MYRIP: variants seen among roughly 807,000 people sequenced by gnomAD.
The protein encoded by MYRIP is rab effector MyRIP.
In MYRIP, 49 loss-of-function variants were observed where a neutral mutation model predicts 98.0. That is an observed-to-expected ratio of 0.50 (90% CI 0.40 to 0.63). MYRIP has a LOEUF of 0.63. Among genes scored for constraint, MYRIP ranks in the 30% least tolerant of loss-of-function variants. The probability of loss-of-function intolerance (pLI) is 0.00; values close to 1 mark genes in which losing one functional copy is unlikely to be tolerated. For missense variants in MYRIP, 1,004 were observed against 1,058.2 expected, an observed-to-expected ratio of 0.95 and a Z score of 0.71; for synonymous variants, 404 against 409.5, an observed-to-expected ratio of 0.99 and a Z score of 0.16.
chr3:39,920,889 C>T (rs1373079880), intron 2 of MYRIP, among the ~76,000 whole-genome samples: 1 of 152,168 alleles, frequency 6.6e-6, no homozygotes, highest in Non-Finnish European at 1.5e-5. Flanking sequence ...TCCTCCTATA[C>T]CAGCCTCTTC....
intron 3 of MYRIP, among the ~76,000 whole-genome samples, chr3:40,147,264 T>G (rs986446836): frequency 1.3e-5 from 2 of 152,174 alleles, no homozygotes; most frequent in African/African-American, 4.8e-5. Flanking sequence ...CTTTGGTATA[T>G]ATACCTTACA....
intron 10 of MYRIP, among the ~76,000 whole-genome samples, chr3:40,192,493 A>G (rs1951264175): frequency 2.0e-5 from 3 of 151,794 alleles, no homozygotes; most frequent in African/African-American, 2.4e-5. Context: ...AAATGACTGC[A>G]AGTGCATTTG....
At chr3:40,046,334 G>A (rs1214097447) in intron 3 of MYRIP, among the ~76,000 whole-genome samples, 1 of 151,842 alleles carries the variant, frequency 6.6e-6, no homozygotes, top group South Asian at 2.1e-4. Flanking sequence ...CTACACTGAC[G>A]TTTGTTACCA....
In MYRIP at chr3:40,125,711, G is replaced by A. The variant is rs77282340; in HGVS notation, c.333-25337G>A. ...TTGCTGTAGGGATCGGAGAAATTGC[G>A]CATAGAGGGCCTAGGAGCAGCTGCG... On this transcript the variant is annotated intron_variant, in intron 3 of 16. Transcript: ENST00000302541. 1.1e-3 allele frequency among the ~76,000 whole-genome samples: 174 copies of A among 152,228 alleles called. 2 individuals are homozygous for A. The highest frequency in any genetic ancestry group is 3.9e-3 in the African/African-American group (162 of 41,522).
intron 11 of MYRIP, chr3:40,232,966 ACT>A (rs1350657959): frequency 2.4e-4 from 37 of 152,116 alleles, no homozygotes; most frequent in African/African-American, 7.7e-4. Flanking sequence ...CCAATCCAGT[ACT>A]CTCTGAGTCC....
intron 3 of MYRIP, among the ~76,000 whole-genome samples, chr3:40,092,977 C>A (rs572062349): frequency 6.6e-6 from 1 of 152,282 alleles, no homozygotes; most frequent in Admixed American, 6.5e-5. Flanking sequence ...GTGACTCCCT[C>A]CCAGAATCTC....
intron 4 of MYRIP, among the ~76,000 whole-genome samples, chr3:40,157,637 G>C (rs1488002423): frequency 1.4e-5 from 2 of 146,480 alleles, no homozygotes; most frequent in East Asian, 2.0e-4. Flanking sequence ...GACTCTTTTT[G>C]GTTGGTAAGC....
chr3:40,083,719 T>C (rs1948530728), intron 3 of MYRIP, among the ~76,000 whole-genome samples: 1 of 151,878 alleles, frequency 6.6e-6, no homozygotes, highest in African/African-American at 2.4e-5. Context: ...ACAGCAGAGT[T>C]CTCCATCTCA....
intron 3 of MYRIP, among the ~76,000 whole-genome samples, chr3:40,137,654 A>T (rs1949809298): frequency 6.6e-6 from 1 of 152,126 alleles, no homozygotes; most frequent in African/African-American, 2.4e-5. Context: ...TGGCAAACCA[A>T]ATCCAGCAGC....
intron 1 of MYRIP, among the ~76,000 whole-genome samples, chr3:39,864,983 C>T (rs1420086464): frequency 1.3e-5 from 2 of 151,988 alleles, no homozygotes; most frequent in Non-Finnish European, 1.5e-5. Context: ...GAATAAAGGG[C>T]CCAGAAATAA....
At chr3:40,011,500 C>G (rs373565672) in intron 2 of MYRIP, among the ~76,000 whole-genome samples, 3 of 152,228 alleles carry the variant, frequency 2.0e-5, no homozygotes, top group African/African-American at 7.2e-5. Context: ...AACTTAGTAC[C>G]AACATCATAG....
At chr3:39,841,257 G>A (rs1327770764) in intron 1 of MYRIP, among the ~76,000 whole-genome samples, 2 of 151,728 alleles carry the variant, frequency 1.3e-5, no homozygotes, top group South Asian at 4.2e-4. Flanking sequence ...TGGCTACAAC[G>A]TATGCTTCAC....
chr3:40,170,213 A>G, intron 8 of MYRIP, 120 bp downstream of exon 8: 1 of 1,322,414 alleles, frequency 7.6e-7, no homozygotes, highest in Non-Finnish European at 1.0e-6. Context: ...AAGGATGGGG[A>G]GCGAAATTGA....
rs765956816 is a variant in MYRIP at position 40,210,051 on chromosome 3, C to G, written c.1863C>G (p.Ser621=). ...CTGAGAACCAGAAGGAAAGTCTGTC[C>G]TCTGAAGACAACAGCCAGAGTGTCC... ...TESENQKESL[S]SEDNSQSVQE... Residue 621 remains serine (S), a synonymous_variant, in exon 11 of 17, where the codon TCC becomes TCG. Transcript: ENST00000302541. 1 of 1,614,042 alleles carries G rather than the reference C, an allele frequency of 6.2e-7. No individual in the cohort carries two copies. The highest frequency in any genetic ancestry group is 1.1e-5 in the South Asian group (1 of 91,078).
intron 3 of MYRIP, among the ~76,000 whole-genome samples, chr3:40,082,422 C>A (rs754790965): frequency 1.8e-4 from 27 of 152,190 alleles, no homozygotes; most frequent in Non-Finnish European, 3.2e-4. Flanking sequence ...AGTCTACATT[C>A]AATTGATCAC....
intron 10 of MYRIP, among the ~76,000 whole-genome samples, chr3:40,192,390 AAAT>A (rs1951261648): frequency 7.2e-6 from 1 of 138,802 alleles, no homozygotes; most frequent in Non-Finnish European, 1.5e-5. Context: ...TTAATTATAT[AAAT>A]AAATGAATAT....
At chr3:40,210,409 C>T (rs1176572599) in intron 11 of MYRIP, among the ~76,000 whole-genome samples, 2 of 152,148 alleles carry the variant, frequency 1.3e-5, no homozygotes, top group Non-Finnish European at 2.9e-5. Context: ...TTATTTCCTG[C>T]TCCACCCTCT....
chr3:40,074,862 G>T (rs1414878395), intron 3 of MYRIP, among the ~76,000 whole-genome samples: 2 of 152,212 alleles, frequency 1.3e-5, no homozygotes, highest in South Asian at 2.1e-4. Flanking sequence ...CATATGAAAA[G>T]ATATTTCACA....
rs200664402 is a variant in MYRIP, at chr3:40,190,216, C to T, written c.1418C>T (p.Ser473Phe). 2.5e-5 allele frequency: 41 copies of T among 1,614,150 alleles called. No homozygotes were observed. Among genetic ancestry groups the T allele is most frequent in the Non-Finnish European group, 3.2e-5 (38 of 1,180,026 alleles). Residue 473 changes from serine to phenylalanine, a missense_variant, in exon 10 of 17, where the codon TCC becomes TTC. By Grantham distance (155) the Ser-to-Phe change is radical. Transcript: ENST00000302541. The part of the protein sequence containing the change: ...SREVGHQARL[S>F]WLQRKAPRNP... ...GAAGTTGGGCACCAGGCCAGACTGT[C>T]CTGGTTGCAGAGGAAGGCCCCCAGG...
Sources: allele counts gnomAD v4.1 joint callset (sites outside exome capture counted in the v4.1 genomes callset), GRCh38; gene constraint gnomAD v4.1.1; transcripts MANE v1.5; gene names NCBI Gene and HGNC (gene_info 2026-07-23, HGNC 2026-07-21).